GTF2E2: variants seen among roughly 807,000 people sequenced by gnomAD.
GTF2E2 encodes the protein transcription initiation factor IIE subunit beta.
A neutral mutation model predicts 40.5 loss-of-function variants in GTF2E2; 21 were observed. The ratio of observed to expected loss-of-function variants is 0.52; its 90% CI spans 0.37 to 0.75. GTF2E2 has a LOEUF of 0.75. Among genes scored for constraint, GTF2E2 ranks in the 30% least tolerant of loss-of-function variants. GTF2E2 has a pLI of 0.00. For synonymous variants in GTF2E2, 117 were observed against 121.6 expected (o/e 0.96, Z 0.25); for missense variants, 298 against 338.4 (o/e 0.88, Z 0.94).
chr8:30,635,270 A>G, intron 2 of GTF2E2, 147 bp from the exon 3 acceptor site: 1 of 526,086 alleles, frequency 1.9e-6, no homozygotes, highest in Non-Finnish European at 3.3e-6. Flanking sequence ...AAAATACACA[A>G]TCTTTGAGTA....
chr8:30,599,551 C>T (rs1308680948), intron 6 of GTF2E2, among the ~76,000 whole-genome samples: 2 of 149,784 alleles, frequency 1.3e-5, no homozygotes, highest in African/African-American at 4.9e-5. Flanking sequence ...TGCACTCCAG[C>T]CTGGGCAACA....
At chr8:30,605,335 C>T (rs1373563103) in intron 6 of GTF2E2, among the ~76,000 whole-genome samples, 1 of 151,830 alleles carries the variant, frequency 6.6e-6, no homozygotes, top group Non-Finnish European at 1.5e-5. Context: ...AGAGAAATGA[C>T]AGTAAGTCAC....
intron 2 of GTF2E2, among the ~76,000 whole-genome samples, chr8:30,636,775 C>T (rs1273960579): frequency 1.3e-5 from 2 of 151,014 alleles, no homozygotes; most frequent in East Asian, 2.0e-4. Context: ...ATCACTTGAA[C>T]GAGAGAGTTG....
intron 5 of GTF2E2, among the ~76,000 whole-genome samples, chr8:30,609,179 T>A (rs747029359): frequency 6.7e-6 from 1 of 149,798 alleles, no homozygotes; most frequent in Non-Finnish European, 1.5e-5. Context: ...GACAGGAGAA[T>A]CTCTTAAACC....
chr8:30,613,811 CAT>C (rs1262190506), intron 4 of GTF2E2, among the ~76,000 whole-genome samples: 1 of 152,202 alleles, frequency 6.6e-6, no homozygotes, highest in Non-Finnish European at 1.5e-5. Context: ...GTTTTCACTT[CAT>C]ATTTTAAAGC....
chr8:30,637,411 A>T (rs943931215), intron 2 of GTF2E2: 27 of 400,182 alleles, frequency 6.7e-5, no homozygotes, highest in African/African-American at 5.2e-4. Context: ...CAAGCTTAGT[A>T]AACACTCAAT....
intron 2 of GTF2E2, chr8:30,645,205 A>C (rs1274562939): frequency 3.3e-6 from 4 of 1,230,766 alleles, no homozygotes; most frequent in Non-Finnish European, 4.4e-6. Flanking sequence ...AAATTTACTA[A>C]GAAATCTTAG....
chr8:30,628,828 G>C (rs1252634286), intron 3 of GTF2E2, among the ~76,000 whole-genome samples: 1 of 152,058 alleles, frequency 6.6e-6, no homozygotes, highest in African/African-American at 2.4e-5. Flanking sequence ...CTACTTAGGA[G>C]GCTGAGGCAG....
intron 3 of GTF2E2, among the ~76,000 whole-genome samples, chr8:30,619,866 A>T (rs1801036049): frequency 1.3e-5 from 2 of 152,084 alleles, no homozygotes; most frequent in South Asian, 2.1e-4. Flanking sequence ...GACAAAAGGG[A>T]CTTCATTGGC....
intron 3 of GTF2E2, among the ~76,000 whole-genome samples, chr8:30,623,919 T>A (rs1396248346): frequency 1.3e-5 from 2 of 152,084 alleles, no homozygotes; most frequent in Admixed American, 6.5e-5. Flanking sequence ...CAGCCCTTTG[T>A]CAGATGAGTA....
intron 2 of GTF2E2, chr8:30,638,618 G>C (rs1385638947): frequency 6.6e-6 from 1 of 152,636 alleles, no homozygotes; most frequent in Admixed American, 6.5e-5. Context: ...CATCGCTTCA[G>C]CAGCATCCTC....
intron 5 of GTF2E2, 29 bp downstream of exon 5, chr8:30,612,270 T>C (rs746206753): frequency 8.3e-5 from 113 of 1,356,198 alleles, no homozygotes; most frequent in Admixed American, 3.0e-4. Context: ...TCAAATTATA[T>C]TAAGACATAG....
At chr8:30,606,985 T>G (rs1055665064) in intron 6 of GTF2E2, 72 bp downstream of exon 6, 1 of 577,558 alleles carries the variant, frequency 1.7e-6, no homozygotes, top group African/African-American at 2.0e-5. Context: ...ATAATTGTAT[T>G]ATAAATATTA....
intron 4 of GTF2E2, among the ~76,000 whole-genome samples, chr8:30,613,167 C>T (rs771172567): frequency 6.6e-6 from 1 of 152,112 alleles, no homozygotes; most frequent in Non-Finnish European, 1.5e-5. Flanking sequence ...CTGAGTAGTG[C>T]CCACTCCATC....
intron 6 of GTF2E2, among the ~76,000 whole-genome samples, chr8:30,585,675 T>A (rs1359049327): frequency 6.7e-6 from 1 of 148,672 alleles, no homozygotes; most frequent in South Asian, 2.1e-4. Flanking sequence ...ATAAGGAGGA[T>A]CATACTTACT....
At chr8:30,641,905 G>T (rs1801848962) in intron 2 of GTF2E2, among the ~76,000 whole-genome samples, 1 of 152,020 alleles carries the variant, frequency 6.6e-6, no homozygotes, top group South Asian at 2.1e-4. Flanking sequence ...GTGCTCAAGT[G>T]ATCCTCCTGC....
intron 3 of GTF2E2, among the ~76,000 whole-genome samples, chr8:30,627,519 G>T (rs1409159610): frequency 1.3e-4 from 20 of 149,886 alleles, no homozygotes; most frequent in African/African-American, 4.9e-4. Context: ...AAAAATCCTC[G>T]GAAATGAAAT....
At chr8:30,609,923 T>C (rs1467815079) in intron 5 of GTF2E2, among the ~76,000 whole-genome samples, 1 of 152,186 alleles carries the variant, frequency 6.6e-6, no homozygotes, top group East Asian at 1.9e-4. Flanking sequence ...TCTGCCATGA[T>C]TATAAGTTTC....
intron 7 of GTF2E2, among the ~76,000 whole-genome samples, chr8:30,579,667 T>C (rs1476304157): frequency 6.6e-6 from 1 of 152,042 alleles, no homozygotes; most frequent in Non-Finnish European, 1.5e-5. Context: ...TGACGGTGGA[T>C]AAGGAAAGGG....
Sources: allele counts gnomAD v4.1 joint callset (sites outside exome capture counted in the v4.1 genomes callset), GRCh38; gene constraint gnomAD v4.1.1; transcripts MANE v1.5; gene names NCBI Gene and HGNC (gene_info 2026-07-23, HGNC 2026-07-21).